The following DACH2 variants were observed in gnomAD, a reference collection of about 807,000 sequenced individuals.
DACH2 encodes the protein dachshund homolog 2.
In DACH2, 17 loss-of-function variants were observed where a neutral mutation model predicts 35.8. The ratio of observed to expected loss-of-function variants is 0.48; its 90% CI spans 0.33 to 0.71. The LOEUF is 0.71. Ranked by LOEUF, DACH2 falls within the 30% of genes least tolerant of loss-of-function variation. The pLI, the probability that DACH2 is intolerant of heterozygous loss-of-function variation, is 0.02. For missense variants in DACH2, 469 were observed against 472.7 expected (o/e 0.99, Z 0.07); for synonymous variants, 195 against 177.3 (o/e 1.10, Z -0.79).
chrX:86,289,375 T>G (rs1442075095), intron 1 of DACH2, among the ~76,000 whole-genome samples: 3 of 107,068 alleles, frequency 2.8e-5, no homozygotes, highest in East Asian at 3.0e-4. Flanking sequence ...AAGCATTCCC[T>G]TAGCTGCCTC....
At chrX:86,813,334 C>T in intron 9 of DACH2, 57 bp downstream of exon 9, 2 of 1,035,515 alleles carry the variant, frequency 1.9e-6, no homozygotes, top group East Asian at 3.2e-5. Context: ...ATTTTCAATA[C>T]TAATGGAAAT....
intron 2 of DACH2, among the ~76,000 whole-genome samples, chrX:86,396,869 C>T (rs1342207848): frequency 5.1e-4 from 56 of 110,596 alleles, no homozygotes; most frequent in Middle Eastern, 4.7e-3. Context: ...CTTGGCAATG[C>T]GGGCTCTTTT....
At chrX:86,638,164 G>A (rs1178874936) in intron 3 of DACH2, among the ~76,000 whole-genome samples, 3 of 111,658 alleles carry the variant, frequency 2.7e-5, no homozygotes, top group African/African-American at 9.8e-5. Flanking sequence ...ACTGGGGAAC[G>A]GACAGCCACC....
intron 3 of DACH2, among the ~76,000 whole-genome samples, chrX:86,524,782 A>T (rs760038077): frequency 5.4e-4 from 60 of 111,240 alleles, no homozygotes; most frequent in Non-Finnish European, 8.5e-4. Flanking sequence ...GGCAGAAGAT[A>T]TTGCTTATTT....
intron 5 of DACH2, among the ~76,000 whole-genome samples, chrX:86,711,323 C>G (rs904211110): frequency 6.3e-5 from 7 of 111,314 alleles, no homozygotes; most frequent in African/African-American, 2.3e-4. Context: ...GTTGCGTGAG[C>G]CGAGATCTCT....
intron 3 of DACH2, among the ~76,000 whole-genome samples, chrX:86,518,956 G>A (rs762059641): frequency 8.9e-6 from 1 of 112,052 alleles, no homozygotes; most frequent in Non-Finnish European, 1.9e-5. Flanking sequence ...TTCAGAAAGG[G>A]CATCCTTATC....
chrX:86,664,945 T>C (rs1183898843), intron 4 of DACH2, among the ~76,000 whole-genome samples: 1 of 111,998 alleles, frequency 8.9e-6, no homozygotes, highest in Admixed American at 9.5e-5. Flanking sequence ...GCTGTTATTT[T>C]AGTGTTAGAG....
intron 2 of DACH2, among the ~76,000 whole-genome samples, chrX:86,477,436 T>C (rs2037864310): frequency 9.4e-6 from 1 of 105,845 alleles, no homozygotes; most frequent in Admixed American, 1.0e-4. Flanking sequence ...TGTCTCTTCT[T>C]ATAGTTTTGT....
At chrX:86,698,590 T>C (rs1231923233) in intron 5 of DACH2, among the ~76,000 whole-genome samples, 2 of 92,447 alleles carry the variant, frequency 2.2e-5, no homozygotes, top group African/African-American at 8.1e-5. Flanking sequence ...TGTAGTGGTG[T>C]GATCATGGCT....
intron 1 of DACH2, among the ~76,000 whole-genome samples, chrX:86,287,050 T>G (rs1342427530): frequency 3.6e-5 from 4 of 111,769 alleles, no homozygotes; most frequent in Non-Finnish European, 7.5e-5. Context: ...AGCATGTCAC[T>G]TATAATAGGT....
At chrX:86,379,570 T>A (rs1352130196) in intron 2 of DACH2, among the ~76,000 whole-genome samples, 3 of 111,165 alleles carry the variant, frequency 2.7e-5, no homozygotes, top group Non-Finnish European at 5.7e-5. Context: ...CACAATGATT[T>A]GTACCATAAA....
chrX:86,215,382 G>A (rs186166379), intron 1 of DACH2, among the ~76,000 whole-genome samples: 6 of 111,479 alleles, frequency 5.4e-5, no homozygotes, highest in East Asian at 2.8e-4. Flanking sequence ...AAAAAGCTAC[G>A]CAAGAGTTAG....
chrX:86,201,605 A>G (rs1294030771), intron 1 of DACH2, among the ~76,000 whole-genome samples: 1 of 111,312 alleles, frequency 9.0e-6, no homozygotes, highest in Non-Finnish European at 1.9e-5. Flanking sequence ...TTCATATTTA[A>G]TATTAAATAT....
intron 5 of DACH2, among the ~76,000 whole-genome samples, chrX:86,696,665 A>G (rs949824223): frequency 1.8e-5 from 2 of 111,906 alleles, no homozygotes; most frequent in African/African-American, 6.5e-5. Flanking sequence ...AAGGAGAAGA[A>G]GCCACAGCTA....
intron 7 of DACH2, among the ~76,000 whole-genome samples, chrX:86,755,857 A>G (rs2041823619): frequency 9.0e-6 from 1 of 110,585 alleles, no homozygotes; most frequent in Non-Finnish European, 1.9e-5. Context: ...TCAGCCTCTC[A>G]AAGTGCTGGG....
At chrX:86,647,402 T>A (rs1410708088) in intron 3 of DACH2, among the ~76,000 whole-genome samples, 1 of 111,007 alleles carries the variant, frequency 9.0e-6, no homozygotes, top group Non-Finnish European at 1.9e-5. Context: ...TGAAGCATGA[T>A]ATGCTAAATG....
At chrX:86,579,022 A>G (rs1412196961) in intron 3 of DACH2, among the ~76,000 whole-genome samples, 1 of 110,674 alleles carries the variant, frequency 9.0e-6, no homozygotes, top group Non-Finnish European at 1.9e-5. Context: ...ATTATTTTCT[A>G]TGTGCTTATT....
chrX:86,799,132 G>T, intron 7 of DACH2: 1 of 326,678 alleles, frequency 3.1e-6, no homozygotes, highest in Non-Finnish European at 5.9e-6. Flanking sequence ...TGGGGGTGCA[G>T]CAGTTCCTCC....
chrX:86,522,271 C>T (rs1422025870), intron 3 of DACH2, among the ~76,000 whole-genome samples: 1 of 111,094 alleles, frequency 9.0e-6, no homozygotes, highest in African/African-American at 3.3e-5. Context: ...AATATGTGCA[C>T]AAATGTAGTG....
Sources: gnomAD v4.1 joint callset for allele counts (sites outside exome capture counted in the v4.1 genomes callset) on GRCh38, gnomAD v4.1.1 for gene constraint, MANE v1.5 for transcripts, NCBI Gene and HGNC (gene_info 2026-07-23, HGNC 2026-07-21) for gene names.